The following EIF2D variants were observed in gnomAD, a reference collection of about 807,000 sequenced individuals.
EIF2D encodes the protein hepatocellular carcinoma-associated antigen 56.
A neutral mutation model predicts 77.4 loss-of-function variants in EIF2D; 56 were observed. The ratio of observed to expected loss-of-function variants is 0.72; its 90% confidence interval spans 0.58 to 0.90. EIF2D has a LOEUF of 0.90. EIF2D is among the 40% of genes least tolerant of loss of function. The pLI, the probability that EIF2D is intolerant of heterozygous loss-of-function variation, is 0.00. For missense variants in EIF2D, 574 were observed against 706.5 expected (o/e 0.81, Z 2.13); for synonymous variants, 230 against 271.0 (o/e 0.85, Z 1.49).
rs1553411740 is a variant in EIF2D at position 206,603,060 on chromosome 1, C to T, written c.675G>A (p.Glu225=). The T allele has an allele frequency of 6.8e-6, 11 of 1,614,188 alleles. No individual in the cohort carries two copies. The highest frequency in any genetic ancestry group is 9.3e-6 in the Non-Finnish European group (11 of 1,180,036). Reference sequence around the variant, plus strand: ...CACGTGCCTGGTGAACCTCCCCATTCTCCTCTTCCCCCTCCAGGGTCATGT... The same window carrying T: ...CACGTGCCTGGTGAACCTCCCCATTTTCCTCTTCCCCCTCCAGGGTCATGT... ...MRHMTLEGEE[E]NGEVHQARED... The change falls in exon 6 of 15, where the codon GAG becomes GAA. Residue 225 remains glutamate, a synonymous_variant. Transcript: ENST00000271764.
chr1:206,585,115 C>T, intron 2 of EIF2D: 2 of 1,244,018 alleles, frequency 1.6e-6, no homozygotes, highest in Non-Finnish European at 2.3e-6. Context: ...CAATCCTTTC[C>T]CGCAAGCCTG....
At chr1:206,582,987 AATCTC>A in intron 2 of EIF2D, 1 of 298,514 alleles carries the variant, frequency 3.3e-6, no homozygotes, top group Non-Finnish European at 6.5e-6. Flanking sequence ...CTTTCACACT[AATCTC>A]AAGACAAGCC....
At chr1:206,612,213 G>A in intron 1 of EIF2D, 74 bp downstream of exon 1, 1 of 1,598,476 alleles carries the variant, frequency 6.3e-7, no homozygotes, top group Non-Finnish European at 8.6e-7. Context: ...CAAGAATAGC[G>A]AGGGCTATGG....
chr1:206,609,671 C>T (rs180970743), intron 2 of EIF2D, among the ~76,000 whole-genome samples: 1 of 152,286 alleles, frequency 6.6e-6, no homozygotes. Flanking sequence ...GATTTGGAGG[C>T]ATCCGGATTG....
Position 206,584,551 on chromosome 1 carries a change from T to C in EIF2D, c.139-3389A>G. ...GGACATCCTTCTACCTGCCCCTAGA[T>C]GCCATCAAGCAGCTGCACATCAGCA... On this transcript the variant is annotated intron_variant and NMD_transcript_variant, in intron 2 of 5. Coordinates refer to the EIF2D transcript ENST00000472709. The surrounding 1 kb of genome is among the most constrained non-coding windows in gnomAD (Gnocchi z 4.9). The C allele has an allele frequency of 6.2e-7, 1 of 1,614,124 alleles. No homozygotes were observed. The highest frequency in any genetic ancestry group is 8.5e-7 in the Non-Finnish European group (1 of 1,180,006).
chr1:206,583,407 C>T lies in EIF2D; in HGVS notation c.139-2245G>A, dbSNP rs1395701805. 3.4e-6 allele frequency: 5 copies of T among 1,484,228 alleles called. No individual in the cohort carries two copies. In the African/African-American group the frequency reaches 5.5e-5, roughly 16 times the overall value. The allele number at this position is 1,484,228 out of a possible 1,614,324, so 91.9% of individuals were successfully genotyped here. ...AAGCGCCCGTCCACCCTCAACCTGG[C>T]CCCTGCTCCACCACCCGCTTCGGGT... On this transcript the variant is annotated intron_variant and NMD_transcript_variant, in intron 2 of 5. Transcript: ENST00000472709.
chr1:206,591,580 T>C, downstream of EIF2D: 2 of 611,634 alleles, frequency 3.3e-6, no homozygotes, highest in Non-Finnish European at 5.7e-6. Flanking sequence ...CCATTTAGAA[T>C]ACTCCCGACT....
intron 4 of EIF2D, among the ~76,000 whole-genome samples, chr1:206,576,603 T>C (rs1305173525): frequency 6.6e-6 from 1 of 152,184 alleles, no homozygotes; most frequent in African/African-American, 2.4e-5. Flanking sequence ...GTGATTACCT[T>C]TCTCCATGTG....
downstream of EIF2D, chr1:206,587,174 G>A (rs1272723323): frequency 5.0e-6 from 3 of 605,018 alleles, no homozygotes; most frequent in African/African-American, 5.5e-5. Context: ...CCCAGGCTGT[G>A]CCCCACCACA....
At chr1:206,612,210 A>G in intron 1 of EIF2D, 77 bp downstream of exon 1, 1 of 1,596,144 alleles carries the variant, frequency 6.3e-7, no homozygotes, top group Non-Finnish European at 8.6e-7. Flanking sequence ...GGCCAAGAAT[A>G]GCGAGGGCTA....
chr1:206,612,161 C>T, intron 1 of EIF2D, 126 bp downstream of exon 1: 1 of 1,329,380 alleles, frequency 7.5e-7, no homozygotes, highest in Non-Finnish European at 1.1e-6. Flanking sequence ...CCTGGGGTCC[C>T]TTCCCTGGCA....
At chr1:206,593,835 A>T (rs1553409552) in intron 13 of EIF2D, 42 bp from the exon 14 acceptor site, 1 of 1,558,518 alleles carries the variant, frequency 6.4e-7, no homozygotes, top group Admixed American at 1.8e-5. Flanking sequence ...TGGTGACTGC[A>T]TTCCCTTCCC....
chr1:206,593,488 C>CAGCGA, intron 14 of EIF2D, 131 bp downstream of exon 14: 1 of 305,942 alleles, frequency 3.3e-6, no homozygotes, highest in South Asian at 8.1e-5. Flanking sequence ...AGAGAGAGAG[C>CAGCGA]GAGAGAGAGA....
At chr1:206,583,236 A>G (rs781830956) in intron 2 of EIF2D, 9 of 1,417,610 alleles carry the variant, frequency 6.3e-6, no homozygotes, top group South Asian at 5.7e-5. Flanking sequence ...GAGAACTACT[A>G]CACATCCACC....
At chr1:206,601,484 T>C (rs1669915514) in intron 7 of EIF2D, 1 of 152,172 alleles carries the variant, frequency 6.6e-6, no homozygotes, top group African/African-American at 2.4e-5. Context: ...GGCAGGAGAA[T>C]CTCTTGAACC....
chr1:206,599,359 G>T lies in EIF2D; in HGVS notation c.1202+104C>A. On this transcript the variant is annotated intron_variant, in intron 10 of 14. Coordinates refer to ENST00000271764, the MANE Select transcript of EIF2D (RefSeq NM_006893.3). This position sits in a 1 kb window ranked among gnomAD's most constrained non-coding sequence, Gnocchi z 4.1. ...GATTTTGGAGAAGGGGAGAACAGGG[G>T]CAGAGCAGGTTTTGCCAGTCGCAAA... 7.0e-7 allele frequency: 1 copy of T among 1,437,556 alleles called. No individual in the cohort carries two copies. Among genetic ancestry groups the T allele is most frequent in the Non-Finnish European group, 9.5e-7 (1 of 1,053,044 alleles). 89.1% of individuals were successfully genotyped at this position (1,437,556 alleles called of 1,614,324 possible).
chr1:206,593,516 T>C (rs1319280918), intron 14 of EIF2D, 103 bp downstream of exon 14: 2 of 707,382 alleles, frequency 2.8e-6, no homozygotes, highest in Middle Eastern at 3.8e-4. Flanking sequence ...AGAGTGTGTG[T>C]GTGTGTGTGT....
Position 206,609,948 on chromosome 1 carries a change from C to T in EIF2D, c.248-489G>A, listed in dbSNP as rs564932266. 9.2e-5 allele frequency among the ~76,000 whole-genome samples: 14 copies of T among 152,236 alleles called. No individual in the cohort carries two copies. In the South Asian group the frequency reaches 2.7e-3, roughly 29 times the overall value. The stretch of plus-strand genomic sequence containing the variant: ...GGAGTGGCCTAAGGATATTGCATTG[C>T]ACTATTGCAGACAACCCTGGAGGAT... On this transcript the variant is annotated intron_variant, in intron 2 of 14. Transcript: ENST00000271764.
rs1178295629 is a variant in EIF2D at position 206,599,760 on chromosome 1, A to G, written c.1025T>C (p.Ile342Thr). Residue 342 changes from isoleucine to threonine, a missense_variant, in exon 9 of 15, where the codon ATT becomes ACT. Ile to Thr is a moderately conservative substitution (Grantham distance 89). Coordinates refer to ENST00000271764, the MANE Select transcript of EIF2D (RefSeq NM_006893.3). The surrounding 1 kb of genome is among the most constrained non-coding windows in gnomAD (Gnocchi z 4.1). ...CGGGTGTTTCCAGTCCACAGCCACAATGCTCTCCACCCCTTTGCTCAGCTC... is the reference window on the plus strand; with the variant it reads ...CGGGTGTTTCCAGTCCACAGCCACAGTGCTCTCCACCCCTTTGCTCAGCTC... ...VKELSKGVESIVAVDWKHPRI... is the reference protein window; with the variant it reads ...VKELSKGVESTVAVDWKHPRI... The G allele has an allele frequency of 6.2e-7, 1 of 1,613,912 alleles. No homozygotes were observed.
Sources: gnomAD v4.1 joint callset for allele counts (sites outside exome capture counted in the v4.1 genomes callset) on GRCh38, gnomAD v4.1.1 for gene constraint, Gnocchi (gnomAD v3.1) non-coding constraint, MANE v1.5 for transcripts, NCBI Gene and HGNC (gene_info 2026-07-23, HGNC 2026-07-21) for gene names.